DCAF5: variants seen among roughly 807,000 people sequenced by gnomAD.
The protein encoded by DCAF5 is DDB1- and CUL4-associated factor 5.
DCAF5 carries 9 observed loss-of-function variants against 80.7 expected under a neutral mutation model. The ratio of observed to expected loss-of-function variants is 0.11; its 90% CI spans 0.07 to 0.19. The LOEUF (loss-of-function observed/expected upper bound fraction) is 0.19, where lower values mean the gene tolerates loss of function less well. DCAF5 is among the 10% of genes least tolerant of loss of function. The probability of loss-of-function intolerance (pLI) is 1.00; values close to 1 mark genes in which losing one functional copy is unlikely to be tolerated. For missense variants in DCAF5, 842 were observed against 1,205.7 expected, an observed-to-expected ratio of 0.70 and a Z score of 4.47; for synonymous variants, 433 against 461.9, an observed-to-expected ratio of 0.94 and a Z score of 0.80.
At chr14:69,075,612 G>T (rs757712316) in intron 6 of DCAF5, among the ~76,000 whole-genome samples, 1 of 152,094 alleles carries the variant, frequency 6.6e-6, no homozygotes, top group Non-Finnish European at 1.5e-5. Context: ...CTCCAGAGTA[G>T]CTGGGACTAC....
chr14:69,077,288 G>C (rs1476394372), intron 6 of DCAF5, among the ~76,000 whole-genome samples: 1 of 152,084 alleles, frequency 6.6e-6, no homozygotes, highest in African/African-American at 2.4e-5. Flanking sequence ...CTGCAGTCTC[G>C]ACCTCCTGGG....
chr14:69,148,162 G>C (rs908165130), intron 1 of DCAF5, among the ~76,000 whole-genome samples: 1 of 148,848 alleles, frequency 6.7e-6, no homozygotes, highest in African/African-American at 2.5e-5. Context: ...TAAGAAAAAG[G>C]AAAAGCATAA....
chr14:69,152,425 C>A lies in DCAF5; in HGVS notation c.214+340G>T. 1 of 223,660 alleles carries A rather than the reference C, an allele frequency of 4.5e-6. No homozygotes were observed. The highest frequency in any genetic ancestry group is 8.9e-6 in the Non-Finnish European group (1 of 112,442). 13.9% of individuals were successfully genotyped at this position (223,660 alleles called of 1,614,324 possible). A position where few individuals can be genotyped will look rare whatever the true frequency, so the allele number is the denominator to read the frequency against. On this transcript the variant is annotated intron_variant, in intron 1 of 8. Coordinates refer to ENST00000341516, the MANE Select transcript of DCAF5 (RefSeq NM_003861.3). The surrounding 1 kb of genome is among the most constrained non-coding windows in gnomAD (Gnocchi z 4.1). ...AATGCCCCCAGCACCTTTTAAAGTA[C>A]GCGGAGGAAGAGTTTGCCGTCAAAC...
At chr14:69,085,804 C>G (rs185262617) in intron 6 of DCAF5, among the ~76,000 whole-genome samples, 91 of 152,290 alleles carry the variant, frequency 6.0e-4, no homozygotes, top group Admixed American at 2.0e-3. Context: ...CATTCACGCT[C>G]TAAAAAAGAC....
At chr14:69,060,537 C>CTT (rs60838164) in intron 8 of DCAF5, among the ~76,000 whole-genome samples, 2 of 147,708 alleles carry the variant, frequency 1.4e-5, no homozygotes, top group African/African-American at 2.5e-5. Flanking sequence ...TATTATATTT[C>CTT]TTTTTTTTTT....
At chr14:69,081,519 G>C (rs2039102043) in intron 6 of DCAF5, among the ~76,000 whole-genome samples, 1 of 152,174 alleles carries the variant, frequency 6.6e-6, no homozygotes, top group South Asian at 2.1e-4. Flanking sequence ...ATTTTAAGTA[G>C]GGTTAACCTG....
intron 7 of DCAF5, among the ~76,000 whole-genome samples, chr14:69,068,386 C>T (rs977716663): frequency 1.3e-5 from 2 of 152,164 alleles, no homozygotes; most frequent in Admixed American, 1.3e-4. Context: ...CATTCTTGAC[C>T]CCACTGGTAG....
chr14:69,120,809 CCTTGAGAACTCCAATTGGA>C (rs2040696097), intron 2 of DCAF5, among the ~76,000 whole-genome samples: 1 of 152,192 alleles, frequency 6.6e-6, no homozygotes, highest in Admixed American at 6.5e-5. Flanking sequence ...TCTACTCTGT[CCTTGAGAACTCCAATTGGA>C]CTTGAGAACA....
intron 6 of DCAF5, among the ~76,000 whole-genome samples, chr14:69,078,592 T>A (rs1282165949): frequency 6.6e-6 from 1 of 152,200 alleles, no homozygotes; most frequent in East Asian, 1.9e-4. Flanking sequence ...GGAAGGAAAT[T>A]CTGACACATG....
intron 6 of DCAF5, 21 bp from the exon 7 acceptor site, chr14:69,075,432 T>G: frequency 1.4e-6 from 2 of 1,480,438 alleles, no homozygotes; most frequent in Non-Finnish European, 1.9e-6. Flanking sequence ...AAAAAATATA[T>G]AGATAACATT....
rs1381950281 is a variant in DCAF5 at position 69,134,330 on chromosome 14, G to A, written c.215-11970C>T. Among the ~76,000 whole-genome samples, 5 of 152,224 alleles carry A rather than the reference G, an allele frequency of 3.3e-5. No individual in the cohort carries two copies. The South Asian group carries it at 6.2e-4, about 19-fold the overall frequency. On this transcript the variant is annotated intron_variant, in intron 1 of 8. Transcript: ENST00000341516. ...AAAAAACAACTAGCACATAAAACCC[G>A]TGACTTAGACTTTATAGTAATGTCA...
intron 6 of DCAF5, among the ~76,000 whole-genome samples, chr14:69,082,517 A>C (rs895362870): frequency 1.3e-5 from 2 of 152,204 alleles, no homozygotes; most frequent in African/African-American, 4.8e-5. Context: ...AATCAGCAGA[A>C]AAGGAAAAAA....
At chr14:69,095,530 T>G (rs1256523193) in intron 5 of DCAF5, among the ~76,000 whole-genome samples, 1 of 144,708 alleles carries the variant, frequency 6.9e-6, no homozygotes, top group African/African-American at 2.4e-5. Context: ...GTTTATTTTG[T>G]TTTGTTTTGT....
intron 1 of DCAF5, among the ~76,000 whole-genome samples, chr14:69,128,271 C>G (rs997201084): frequency 6.6e-6 from 1 of 151,500 alleles, no homozygotes; most frequent in Admixed American, 6.6e-5. Flanking sequence ...ACTGCAGCCT[C>G]CACCTCCCAG....
At chr14:69,135,236 C>T (rs2140100900) in intron 1 of DCAF5, among the ~76,000 whole-genome samples, 1 of 152,266 alleles carries the variant, frequency 6.6e-6, no homozygotes, top group East Asian at 1.9e-4. Context: ...GTGGGTAAAA[C>T]CACTGGTGCC....
intron 5 of DCAF5, among the ~76,000 whole-genome samples, chr14:69,102,430 C>T (rs1015042153): frequency 6.6e-6 from 1 of 151,854 alleles, no homozygotes; most frequent in African/African-American, 2.4e-5. Context: ...AACTTTTTTA[C>T]TTTATAAACT....
chr14:69,054,032 C>T lies in DCAF5; in HGVS notation c.2654G>A (p.Gly885Glu), dbSNP rs1333306592. The stretch of plus-strand genomic sequence containing the variant: ...GGGGGTCTCACAGGCCATTTCAGAC[C>T]CGCAACAATCTTTGTGTAGGAGTGT... ...TGTLLHKDCC[G>E]SEMACETPNA... The change falls in exon 9 of 9, where the codon GGG becomes GAG. Residue 885 changes from glycine to glutamate, a missense_variant. By Grantham distance (98) the Gly-to-Glu change is moderately conservative. Coordinates refer to ENST00000341516, the MANE Select transcript of DCAF5 (RefSeq NM_003861.3). 1 of 1,612,790 alleles carries T rather than the reference C, an allele frequency of 6.2e-7. No individual in the cohort carries two copies.
intron 5 of DCAF5, among the ~76,000 whole-genome samples, chr14:69,111,550 T>C (rs2040367060): frequency 6.6e-6 from 1 of 151,680 alleles, no homozygotes; most frequent in South Asian, 2.1e-4. Flanking sequence ...GGGAGAGAGG[T>C]AGTGAGTAAG....
rs540950591 is a variant in DCAF5, at chr14:69,110,701, C to T, written c.665+5665G>A. 1.1e-4 allele frequency among the ~76,000 whole-genome samples: 16 copies of T among 151,906 alleles called. No homozygotes were observed. In the South Asian group the frequency reaches 1.5e-3, roughly 14 times the overall value. ...GACCAGCCTGGGTAACACAAAGAGA[C>T]GCTTTCTCTAACAGAAACATTTAAA... On this transcript the variant is annotated intron_variant, in intron 5 of 8. Coordinates refer to ENST00000341516, the MANE Select transcript of DCAF5 (RefSeq NM_003861.3).
Sources: allele counts gnomAD v4.1 joint callset (sites outside exome capture counted in the v4.1 genomes callset), GRCh38; gene constraint gnomAD v4.1.1; non-coding constraint Gnocchi (gnomAD v3.1); transcripts MANE v1.5; gene names NCBI Gene and HGNC (gene_info 2026-07-23, HGNC 2026-07-21).